Variants in ABCA3 observed in about 807,000 individuals in gnomAD.
The protein encoded by ABCA3 is ATP binding cassette subfamily A member 3.
Under a neutral mutation model 172.8 loss-of-function variants are expected in ABCA3, and 88 were observed. The ratio of observed to expected loss-of-function variants is 0.51; its 90% CI spans 0.43 to 0.61. ABCA3 has a LOEUF of 0.61. Ranked by LOEUF, ABCA3 falls within the 20% of genes least tolerant of loss-of-function variation. The pLI, the probability that ABCA3 is intolerant of heterozygous loss-of-function variation, is 0.00. For synonymous variants in ABCA3, 1,066 were observed against 983.8 expected (o/e 1.08, Z -1.56); for missense variants, 2,164 against 2,301.0 (o/e 0.94, Z 1.22).
In ABCA3 at chr16:2,304,056, A is replaced by G. The variant is rs544441884; in HGVS notation, c.1380T>C (p.Ser460=). Residue 460 remains serine, a synonymous_variant, in exon 12 of 33, where the codon TCT becomes TCC. Coordinates refer to ENST00000301732, the MANE Select transcript of ABCA3 (RefSeq NM_001089.3). The stretch of plus-strand genomic sequence containing the variant: ...ACCAGGTCACCAGGCCATAGAGCAC[A>G]GAGTCCAGCAGCAGCATCCCCAGCA... The part of the protein sequence containing the change: ...GQVLGMLLLD[S]VLYGLVTWYM... The G allele has an allele frequency of 1.2e-6, 2 of 1,614,202 alleles. No homozygotes were observed. The highest frequency in any genetic ancestry group is 1.7e-5 in the Admixed American group (1 of 60,024).
In ABCA3 at chr16:2,276,517, C is replaced by G. The variant is rs1428472357; in HGVS notation, c.*157G>C. On this transcript the variant is annotated 3_prime_UTR_variant, in exon 33 of 33. Coordinates refer to ENST00000301732, the MANE Select transcript of ABCA3 (RefSeq NM_001089.3). ...TCCTGGGCATGAGGGCTGGGCTGCA[C>G]TCGTCCATTCTGTGCATACTGCCTT... 2 of 1,251,678 alleles carry G rather than the reference C, an allele frequency of 1.6e-6. No individual in the cohort carries two copies. Among genetic ancestry groups the G allele is most frequent in the Non-Finnish European group, 2.2e-6 (2 of 904,282 alleles). The allele number at this position is 1,251,678 out of a possible 1,614,324, so 77.5% of individuals were successfully genotyped here. A position where few individuals can be genotyped will look rare whatever the true frequency, so the allele number is the denominator to read the frequency against.
chr16:2,294,120 T>C (rs1459004096), intron 18 of ABCA3, among the ~76,000 whole-genome samples: 1 of 150,102 alleles, frequency 6.7e-6, no homozygotes, highest in Non-Finnish European at 1.5e-5. Flanking sequence ...CTGGGTTCAG[T>C]GATTCTCCTG....
At chr16:2,308,377 G>A in intron 11 of ABCA3, 73 bp downstream of exon 11, 1 of 1,584,888 alleles carries the variant, frequency 6.3e-7, no homozygotes, top group South Asian at 1.1e-5. Context: ...CTTGCTGCTG[G>A]CGGCTCTTGT....
chr16:2,288,231 A>T lies in ABCA3; in HGVS notation c.2799T>A (p.Pro933=). The part of the protein sequence containing the change: ...WKMVAAQVLV[P]LTCVTLALLA... The stretch of plus-strand genomic sequence containing the variant: ...GGAGGGCCAGGGTGACGCAGGTCAG[A>T]GGCACCAGGACCTGTGCCGCCACCA... The change falls in exon 21 of 33, where the codon CCT becomes CCA. Residue 933 remains proline (P), a synonymous_variant. Transcript: ENST00000301732. 1.3e-6 allele frequency: 2 copies of T among 1,595,774 alleles called. No individual in the cohort carries two copies. The highest frequency in any genetic ancestry group is 1.7e-6 in the Non-Finnish European group (2 of 1,171,254).
intron 10 of ABCA3, among the ~76,000 whole-genome samples, chr16:2,315,504 C>T (rs1376043438): frequency 1.3e-5 from 2 of 152,058 alleles, no homozygotes; most frequent in East Asian, 1.9e-4. Flanking sequence ...CATACAAAGT[C>T]GAAAGCACTG....
At position 2,297,348 on chromosome 16, in the gene ABCA3, C is replaced by T. The variant is rs749214756; in HGVS notation, c.2244G>A (p.Leu748=). The change falls in exon 17 of 33, where the codon CTG becomes CTA. Residue 748 remains leucine, a synonymous_variant. Transcript: ENST00000301732. This position sits in a 1 kb window ranked among gnomAD's most constrained non-coding sequence, Gnocchi z 5.6. ...KGELQCCGSS[L]FLKQKYGAGY... is the part of the protein sequence containing the mutation. Reference sequence around the variant, plus strand: ...GCTCACCGTATTTCTGCTTGAGGAACAGCGAGGACCCGCAGCACTGCAGCT... The same window carrying T: ...GCTCACCGTATTTCTGCTTGAGGAATAGCGAGGACCCGCAGCACTGCAGCT... 6.2e-7 allele frequency: 1 copy of T among 1,611,970 alleles called. No homozygotes were observed. The highest frequency in any genetic ancestry group is 1.1e-5 in the South Asian group (1 of 91,012).
chr16:2,288,463 C>T, intron 20 of ABCA3, 134 bp from the exon 21 acceptor site: 1 of 1,107,428 alleles, frequency 9.0e-7, no homozygotes, highest in Non-Finnish European at 1.3e-6. Context: ...CGGAGACTCC[C>T]AGAGCGTTGA....
chr16:2,277,616 C>T lies in ABCA3; in HGVS notation c.4964G>A (p.Arg1655His), dbSNP rs148823458. 33 of 1,613,014 alleles carry T rather than the reference C, an allele frequency of 2.0e-5. No homozygotes were observed. Among genetic ancestry groups the T allele is most frequent in the Admixed American group, 3.3e-5 (2 of 60,002 alleles). ...CCTCACCTTCGCCCAGCTGAGGTCA[C>T]GGCCCGGCAGGTGGTAATGGACCAT... ...QGMVHYHLPG[R>H]DLSWAKVFGI... Residue 1655 changes from arginine to histidine, a missense_variant, in exon 32 of 33, where the codon CGT (arginine) becomes CAT (histidine). Transcript: ENST00000301732. The surrounding 1 kb of genome is among the most constrained non-coding windows in gnomAD (Gnocchi z 5.3).
At chr16:2,293,248 T>G (rs1057070788) in intron 18 of ABCA3, among the ~76,000 whole-genome samples, 1 of 151,628 alleles carries the variant, frequency 6.6e-6, no homozygotes, top group Non-Finnish European at 1.5e-5. Flanking sequence ...AGATGGGGTT[T>G]CACCGTGTTA....
In ABCA3 at chr16:2,298,993, G is replaced by T. The variant is rs144420575; in HGVS notation, c.1741+410C>A. On this transcript the variant is annotated intron_variant, in intron 14 of 32. Transcript: ENST00000301732. The stretch of plus-strand genomic sequence containing the variant: ...CCTCTGTTTTCACTGACCCTGTCAA[G>T]CTTGGGTATTCACAGACAGAGGCGG... Among the ~76,000 whole-genome samples the T allele has an allele frequency of 1.1e-3, 170 of 152,246 alleles. 1 individual carries two copies. Among genetic ancestry groups the T allele is most frequent in the African/African-American group, 3.9e-3 (163 of 41,556 alleles).
At chr16:2,314,654 G>A (rs961108482) in intron 10 of ABCA3, among the ~76,000 whole-genome samples, 1 of 151,740 alleles carries the variant, frequency 6.6e-6, no homozygotes, top group Admixed American at 6.6e-5. Context: ...ACGGCTCACC[G>A]CAACCTCTGC....
intron 1 of ABCA3, chr16:2,332,273 C>A: frequency 2.0e-6 from 1 of 490,040 alleles, no homozygotes; most frequent in Non-Finnish European, 3.8e-6. Flanking sequence ...CCTTCAAAAT[C>A]TGTTTATTAT....
In ABCA3 at chr16:2,277,912, C is replaced by A. The variant is rs760410249; in HGVS notation, c.4876G>T (p.Glu1626Ter). 2 of 1,610,496 alleles carry A rather than the reference C, an allele frequency of 1.2e-6. No homozygotes were observed. Among genetic ancestry groups the A allele is most frequent in the South Asian group, 1.1e-5 (1 of 91,002 alleles). The change falls in exon 31 of 33, where the codon GAG becomes TAG. Residue 1626 changes from glutamate (E) to a stop codon, truncating the protein, a stop_gained. Transcript: ENST00000301732. LOFTEE classifies it high-confidence loss of function. The surrounding 1 kb of genome is among the most constrained non-coding windows in gnomAD (Gnocchi z 5.3). ...GTCAGGTCCACGAAGGCCTTGAACT[C>A]CTCCAGCGCCTCCTGTTGCCCTTCA... is the stretch of plus-strand genomic sequence containing the variant. Reference protein sequence around the residue: ...QSEGQQEALEEFKAFVDLTFP... With the variant: ...QSEGQQEALE
In ABCA3 at chr16:2,288,011, C is replaced by T. The variant is rs746070910; in HGVS notation, c.3004+15G>A. On this transcript the variant is annotated intron_variant, in intron 21 of 32. Coordinates refer to ENST00000301732, the MANE Select transcript of ABCA3 (RefSeq NM_001089.3). ...GCCCCCGATGCCCCCGTCCCGCCCC[C>T]GGGATGCCCCTTACCGAGCACCTCG... 6.7e-5 allele frequency: 107 copies of T among 1,600,982 alleles called. No individual in the cohort carries two copies. The highest frequency in any genetic ancestry group is 3.3e-5 in the Non-Finnish European group (39 of 1,179,578).
In ABCA3 at chr16:2,284,208, G is replaced by A. The variant is rs1596831976; in HGVS notation, c.3862+71C>T. ...AGACGCAGAGGAGCCCCTGCCCTAG[G>A]AGGCCCCTCTGCAGTGACCACGTCC... On this transcript the variant is annotated intron_variant, in intron 25 of 32. Coordinates refer to ENST00000301732, the MANE Select transcript of ABCA3 (RefSeq NM_001089.3). The surrounding 1 kb of genome is among the most constrained non-coding windows in gnomAD (Gnocchi z 5.9). 3.2e-6 allele frequency: 5 copies of A among 1,539,202 alleles called. No individual in the cohort carries two copies. In the East Asian group the frequency reaches 1.2e-4, roughly 36 times the overall value.
intron 10 of ABCA3, 24 bp from the exon 11 acceptor site, chr16:2,308,647 G>A (rs2093701784): frequency 6.2e-7 from 1 of 1,613,028 alleles, no homozygotes; most frequent in Non-Finnish European, 8.5e-7. Context: ...AAGACCCGGG[G>A]GGCGTGAGCG....
At chr16:2,340,186 G>C (rs1279463995) in intron 1 of ABCA3, among the ~76,000 whole-genome samples, 1 of 152,170 alleles carries the variant, frequency 6.6e-6, no homozygotes. Flanking sequence ...CATCCCTCGG[G>C]GCCGGGGCTG....
rs2093664824 is a variant in ABCA3, at chr16:2,287,419, A to G, written c.3005-452T>C. Among the ~76,000 whole-genome samples the G allele has an allele frequency of 6.6e-6, 1 of 152,052 alleles. No individual in the cohort carries two copies. The highest frequency in any genetic ancestry group is 1.5e-5 in the Non-Finnish European group (1 of 68,016). On this transcript the variant is annotated intron_variant, in intron 21 of 32. Transcript: ENST00000301732. The surrounding 1 kb of genome is among the most constrained non-coding windows in gnomAD (Gnocchi z 4.1). ...CTCAGCCTCCAGAGTAGCTGGGATT[A>G]CAGGTACCCATCACCACACCTAGCT...
chr16:2,284,211 G>T lies in ABCA3; in HGVS notation c.3862+68C>A, dbSNP rs756174838. ...CGCAGAGGAGCCCCTGCCCTAGGAGGCCCCTCTGCAGTGACCACGTCCTGA... is the reference window on the plus strand; with the variant it reads ...CGCAGAGGAGCCCCTGCCCTAGGAGTCCCCTCTGCAGTGACCACGTCCTGA... On this transcript the variant is annotated intron_variant, in intron 25 of 32. Transcript: ENST00000301732. The surrounding 1 kb of genome is among the most constrained non-coding windows in gnomAD (Gnocchi z 5.9). The T allele has an allele frequency of 9.3e-5, 144 of 1,544,630 alleles. No homozygotes were observed. The highest frequency in any genetic ancestry group is 1.3e-4 in the Non-Finnish European group (144 of 1,140,902).
Sources: allele counts gnomAD v4.1 joint callset (sites outside exome capture counted in the v4.1 genomes callset), GRCh38; gene constraint gnomAD v4.1.1; non-coding constraint Gnocchi (gnomAD v3.1); transcripts MANE v1.5; gene names NCBI Gene and HGNC (gene_info 2026-07-23, HGNC 2026-07-21).